MESP1: variants seen among roughly 807,000 people sequenced by gnomAD.
MESP1 encodes mesoderm posterior protein 1.
Under a neutral mutation model 15.2 loss-of-function variants are expected in MESP1, and 22 were observed. The observed-to-expected ratio is 1.45, with a 90% CI of 1.04 to 2.07. The LOEUF is 2.07. Among genes scored for constraint, MESP1 ranks in the 30% most tolerant of loss-of-function variants. The pLI is 0.00. For synonymous variants in MESP1, 216 were observed against 192.6 expected (o/e 1.12, Z -1.01); for missense variants, 484 against 411.9 (o/e 1.17, Z -1.51).
chr15:89,746,907 C>T (rs1967973761), downstream of MESP1, among the ~76,000 whole-genome samples: 1 of 139,800 alleles, frequency 7.2e-6, no homozygotes, highest in Non-Finnish European at 1.5e-5. Flanking sequence ...ACACACACAG[C>T]CCCGCCTCCA....
At chr15:89,747,034 ACAC>A (rs1967979456), downstream of MESP1, among the ~76,000 whole-genome samples, 1 of 128,798 alleles carries the variant, frequency 7.8e-6, no homozygotes. Flanking sequence ...CAGCCCCACC[ACAC>A]ACACATGCGC....
chr15:89,735,046 TGTTTTGTTTG>T, the MESP1 span, among the ~76,000 whole-genome samples: 2 of 149,320 alleles, frequency 1.3e-5, no homozygotes, highest in African/African-American at 4.9e-5. Context: ...TCTTTCTTTC[TGTTTTGTTTG>T]GTTTTGTTTG....
the MESP1 span, chr15:89,743,313 C>T: frequency 1.5e-5 from 25 of 1,614,092 alleles, no homozygotes; most frequent in South Asian, 2.6e-4. Context: ...TGGAGAAGAA[C>T]CCAGAGAAGG....
chr15:89,739,214 G>T, the MESP1 span, among the ~76,000 whole-genome samples: 4 of 152,080 alleles, frequency 2.6e-5, no homozygotes, highest in African/African-American at 9.7e-5. Flanking sequence ...CCACTGCCTG[G>T]TTTTGTAAAT....
chr15:89,737,595 G>C, the MESP1 span: 2 of 1,614,158 alleles, frequency 1.2e-6, no homozygotes, highest in Middle Eastern at 1.6e-4. Context: ...TCCAAGAATG[G>C]CTCTGTGTGC....
At chr15:89,750,430 G>T in intron 1 of MESP1, 79 bp downstream of exon 1, 1 of 1,462,540 alleles carries the variant, frequency 6.8e-7, no homozygotes, top group Non-Finnish European at 9.0e-7. Context: ...GCAGCAGGGT[G>T]CCTGGTCCTC....
At chr15:89,741,392 T>A in the MESP1 span, among the ~76,000 whole-genome samples, 2 of 152,128 alleles carry the variant, frequency 1.3e-5, no homozygotes, top group African/African-American at 2.4e-5. Context: ...CACACCCAGC[T>A]AATTTTTTTA....
At chr15:89,737,717 T>C in the MESP1 span, 9 of 1,614,198 alleles carry the variant, frequency 5.6e-6, no homozygotes, top group South Asian at 9.9e-5. Flanking sequence ...CCATCCATGT[T>C]TCCTGCTCCG....
In MESP1 at chr15:89,750,817, C is replaced by T. The variant is rs1211676497; in HGVS notation, c.415G>A (p.Val139Met). 2 of 1,530,252 alleles carry T rather than the reference C, an allele frequency of 1.3e-6. No homozygotes were observed. Among genetic ancestry groups the T allele is most frequent in the Middle Eastern group, 1.7e-4 (1 of 5,872 alleles). The allele number at this position is 1,530,252 out of a possible 1,614,324, so 94.8% of individuals were successfully genotyped here. Residue 139 changes from valine to methionine, a missense_variant, in exon 1 of 2, where the codon GTG (valine) becomes ATG (methionine). By Grantham distance (21) the Val-to-Met change is conservative. Coordinates refer to ENST00000300057, the MANE Select transcript of MESP1 (RefSeq NM_018670.4). Reference protein sequence around the residue: ...AIRYIGHLSAVLGLSEESLQR... With the variant: ...AIRYIGHLSAMLGLSEESLQR... ...AGACTCTCCTCGCTGAGGCCTAGCA[C>T]GGCCGACAGGTGGCCGATATAGCGG...
rs1968049025 is a variant in MESP1 at position 89,749,974 on chromosome 15, G to A, written c.*170C>T. On this transcript the variant is annotated 3_prime_UTR_variant, in exon 2 of 2. Transcript: ENST00000300057. ...AGCCCTATGGGTCCCTCCATGGAGG[G>A]AGGGGCTGAGAAGGGCCGCCGCGGT... is the stretch of plus-strand genomic sequence containing the variant. 10 of 657,732 alleles carry A rather than the reference G, an allele frequency of 1.5e-5. No individual in the cohort carries two copies. Among genetic ancestry groups the A allele is most frequent in the South Asian group, 1.4e-4 (8 of 59,016 alleles). 40.7% of individuals were successfully genotyped at this position (657,732 alleles called of 1,614,324 possible).
chr15:89,741,510 G>A, the MESP1 span, among the ~76,000 whole-genome samples: 3 of 152,192 alleles, frequency 2.0e-5, no homozygotes, highest in African/African-American at 7.2e-5. Flanking sequence ...CTATCAGTGT[G>A]AGCCACCATT....
chr15:89,739,115 CAA>C, the MESP1 span, among the ~76,000 whole-genome samples: 2,398 of 127,092 alleles, frequency 0.019, 58 homozygotes, highest in African/African-American at 0.06. Flanking sequence ...GACCCTGCCT[CAA>C]AAAAAAAAAA....
Position 89,750,805 on chromosome 15 carries a change from T to C in MESP1, c.427A>G (p.Ser143Gly). Reference sequence around the variant, plus strand: ...CACCGGCGCTGGAGACTCTCCTCGCTGAGGCCTAGCACGGCCGACAGGTGG... The same window carrying C: ...CACCGGCGCTGGAGACTCTCCTCGCCGAGGCCTAGCACGGCCGACAGGTGG... ...IGHLSAVLGL[S>G]EESLQRRCRQ... is the part of the protein sequence containing the mutation. Residue 143 changes from serine (S) to glycine (G), a missense_variant, in exon 1 of 2, where the codon AGC becomes GGC. Transcript: ENST00000300057. The C allele has an allele frequency of 6.6e-7, 1 of 1,526,538 alleles. No homozygotes were observed. Among genetic ancestry groups the C allele is most frequent in the Non-Finnish European group, 8.7e-7 (1 of 1,143,016 alleles). 94.6% of individuals were successfully genotyped at this position (1,526,538 alleles called of 1,614,324 possible).
the MESP1 span, among the ~76,000 whole-genome samples, chr15:89,742,243 A>C: frequency 6.6e-6 from 1 of 152,032 alleles, no homozygotes; most frequent in African/African-American, 2.4e-5. Context: ...TATAAATAAA[A>C]AATTAATTAA....
downstream of MESP1, among the ~76,000 whole-genome samples, chr15:89,747,401 G>GC (rs1465719081): frequency 1.3e-5 from 2 of 152,252 alleles, no homozygotes; most frequent in African/African-American, 4.8e-5. Flanking sequence ...CCCTGCGCTG[G>GC]CCTTCTCACT....
chr15:89,737,876 G>A, the MESP1 span: 13 of 1,354,946 alleles, frequency 9.6e-6, no homozygotes, highest in Non-Finnish European at 1.3e-5. Flanking sequence ...TCCTCACAGG[G>A]CACTTAGATA....
In MESP1 at chr15:89,750,185, G is replaced by C; in HGVS notation, c.766C>G (p.Pro256Ala). 6.2e-7 allele frequency: 1 copy of C among 1,614,094 alleles called. No homozygotes were observed. The highest frequency in any genetic ancestry group is 8.5e-7 in the Non-Finnish European group (1 of 1,180,026). The change falls in exon 2 of 2, where the codon CCC (proline) becomes GCC (alanine). Residue 256 changes from proline to alanine, a missense_variant. Physicochemically the swap from Pro to Ala is conservative, Grantham distance 27. Coordinates refer to ENST00000300057, the MANE Select transcript of MESP1 (RefSeq NM_018670.4). ...DVLALLETWM[P>A]LSPLEWLPEE... ...GGCAGCCACTCCAGAGGCGAGAGGG[G>C]CATCCAGGTCTCCAACAGAGCCAGC...
chr15:89,742,046 C>T, the MESP1 span, among the ~76,000 whole-genome samples: 4 of 152,098 alleles, frequency 2.6e-5, no homozygotes, highest in Non-Finnish European at 2.9e-5. Context: ...CCATCACACC[C>T]GGCCTCCAAT....
chr15:89,734,089 G>A, the MESP1 span, among the ~76,000 whole-genome samples: 2 of 152,078 alleles, frequency 1.3e-5, no homozygotes, highest in Non-Finnish European at 2.9e-5. Context: ...GTTGGAAATC[G>A]ATAATCTCCA....
Sources: allele counts gnomAD v4.1 joint callset (sites outside exome capture counted in the v4.1 genomes callset), GRCh38; gene constraint gnomAD v4.1.1; transcripts MANE v1.5; gene names NCBI Gene and HGNC (gene_info 2026-07-23, HGNC 2026-07-21).